SYNE1: variants seen among roughly 807,000 people sequenced by gnomAD.
SYNE1 encodes the protein spectrin repeat containing nuclear envelope protein 1.
SYNE1 carries 616 observed loss-of-function variants against 1,111.0 expected under a neutral mutation model. That is an observed-to-expected ratio of 0.55 (90% confidence interval 0.52 to 0.59). SYNE1 has a LOEUF of 0.59. Among genes scored for constraint, SYNE1 ranks in the 20% least tolerant of loss-of-function variants. The probability of loss-of-function intolerance (pLI) is 0.00; values close to 1 mark genes in which losing one functional copy is unlikely to be tolerated. For synonymous variants in SYNE1, 3,855 were observed against 3,825.8 expected (o/e 1.01, Z -0.28); for missense variants, 10,006 against 10,417.0 (o/e 0.96, Z 1.72).
At chr6:152,206,943 C>T (rs894032524) in intron 125 of SYNE1, among the ~76,000 whole-genome samples, 5 of 152,074 alleles carry the variant, frequency 3.3e-5, no homozygotes, top group African/African-American at 1.2e-4. Flanking sequence ...CTAAAAGTGA[C>T]TGGGGTTCAC....
At chr6:152,309,738 C>G in intron 90 of SYNE1, 97 bp downstream of exon 90, 2 of 1,495,964 alleles carry the variant, frequency 1.3e-6, no homozygotes, top group Non-Finnish European at 1.8e-6. Context: ...ATTCAACACC[C>G]TGGATGTGTT....
chr6:152,147,933 C>G lies in SYNE1; in HGVS notation c.24976+112G>C, dbSNP rs2059800250. The G allele has an allele frequency of 4.1e-6, 4 of 980,878 alleles. No homozygotes were observed. The East Asian group carries it at 9.8e-5, about 24-fold the overall frequency. 60.8% of individuals were successfully genotyped at this position (980,878 alleles called of 1,614,324 possible). On this transcript the variant is annotated intron_variant, in intron 137 of 145. Coordinates refer to ENST00000367255, the MANE Select transcript of SYNE1 (RefSeq NM_182961.4). ...TAAGTGTTCACTTAGGTACAATTTC[C>G]CCGCATGAAAGAAGGAAGCAAATGA...
chr6:152,162,665 C>T (rs1239430343), intron 131 of SYNE1, among the ~76,000 whole-genome samples: 6 of 152,008 alleles, frequency 3.9e-5, no homozygotes, highest in Non-Finnish European at 7.4e-5. Flanking sequence ...AATTGAAAAA[C>T]GTCTTGCTAA....
intron 3 of SYNE1, among the ~76,000 whole-genome samples, chr6:152,592,175 G>A (rs56236930): frequency 0.16 from 23,911 of 151,572 alleles, 2,084 homozygotes; most frequent in Admixed American, 0.24. Flanking sequence ...CTGGGTGTAT[G>A]CTGGGTATAT....
chr6:152,449,995 T>C (rs2098634117), intron 27 of SYNE1, among the ~76,000 whole-genome samples: 2 of 152,210 alleles, frequency 1.3e-5, no homozygotes, highest in Non-Finnish European at 2.9e-5. Flanking sequence ...CCTTTAGGGA[T>C]ATGAGATTAT....
rs149005052 is a variant in SYNE1, at chr6:152,369,592, T to A, written c.9530A>T (p.Asp3177Val). ...ALENLKIQMK[D>V]FEVSAEPIQD... ...GATAGGCTCAGCACTTACTTCAAAGTCCTTCATTTGGATCTTTAGATTCTG... is the reference window on the plus strand; with the variant it reads ...GATAGGCTCAGCACTTACTTCAAAGACCTTCATTTGGATCTTTAGATTCTG... Residue 3177 changes from aspartate (D) to valine (V), a missense_variant, in exon 60 of 146, where the codon GAC becomes GTC. By Grantham distance (152) the Asp-to-Val change is radical. This residue lies in a region of SYNE1 where 4,955 missense variants were observed against 5,017.2 expected (regional missense o/e 0.99). Transcript: ENST00000367255. The A allele has an allele frequency of 6.2e-7, 1 of 1,614,178 alleles. No individual in the cohort carries two copies. Among genetic ancestry groups the A allele is most frequent in the Non-Finnish European group, 8.5e-7 (1 of 1,180,026 alleles).
rs1017062321 is a variant in SYNE1 at position 152,188,754 on chromosome 6, C to T, written c.23301+498G>A. On this transcript the variant is annotated intron_variant, in intron 128 of 145. Transcript: ENST00000367255. ...CGGACAAATCACAAGGTCAGGAGAT[C>T]GAGACCATCCTGGCTAACACGGTGA... 5.3e-5 allele frequency among the ~76,000 whole-genome samples: 8 copies of T among 151,358 alleles called. No homozygotes were observed. The East Asian group carries it at 5.9e-4, about 11-fold the overall frequency.
At chr6:152,515,604 C>T (rs925478003) in intron 6 of SYNE1, among the ~76,000 whole-genome samples, 59 of 152,238 alleles carry the variant, frequency 3.9e-4, no homozygotes, top group African/African-American at 1.3e-3. Context: ...CCAGACAGGA[C>T]GCAGGACCAC....
chr6:152,353,204 G>GA (rs2096772828), intron 69 of SYNE1, 59 bp downstream of exon 69: 1 of 1,594,250 alleles, frequency 6.3e-7, no homozygotes, highest in Admixed American at 1.7e-5. Flanking sequence ...CTATGCAGGA[G>GA]AATGGGGCAG....
At chr6:152,469,226 A>G (rs752969261) in intron 16 of SYNE1, among the ~76,000 whole-genome samples, 4 of 152,188 alleles carry the variant, frequency 2.6e-5, no homozygotes, top group East Asian at 3.8e-4. Context: ...ATAACACTCT[A>G]AAAGGATAAG....
chr6:152,391,765 C>T (rs1427175681), intron 51 of SYNE1, among the ~76,000 whole-genome samples, 197 bp from the exon 52 acceptor site: 2 of 152,098 alleles, frequency 1.3e-5, no homozygotes, highest in Non-Finnish European at 2.9e-5. Flanking sequence ...TTGTCAGTAC[C>T]TATCAGGGGA....
chr6:152,320,710 A>T (rs768442090), intron 84 of SYNE1, among the ~76,000 whole-genome samples: 1 of 152,134 alleles, frequency 6.6e-6, no homozygotes, highest in African/African-American at 2.4e-5. Context: ...GTTTCTATTT[A>T]CTCTTTTCCT....
At chr6:152,486,066 A>G (rs1459955956) in intron 12 of SYNE1, among the ~76,000 whole-genome samples, 3 of 152,026 alleles carry the variant, frequency 2.0e-5, no homozygotes, top group Non-Finnish European at 4.4e-5. Context: ...ATAGTGGCGC[A>G]TGCCTGTAGT....
At chr6:152,363,970 G>C (rs2096999073) in intron 63 of SYNE1, among the ~76,000 whole-genome samples, 1 of 152,166 alleles carries the variant, frequency 6.6e-6, no homozygotes, top group African/African-American at 2.4e-5. Context: ...GTTAAGCTCT[G>C]TGTCCCCACC....
At chr6:152,309,010 C>T (rs1046472819) in intron 90 of SYNE1, among the ~76,000 whole-genome samples, 2 of 152,064 alleles carry the variant, frequency 1.3e-5, no homozygotes, top group African/African-American at 2.4e-5. Context: ...CTAAGTGCTA[C>T]GGTAGGGAAT....
At chr6:152,544,633 G>A (rs1341737899) in intron 3 of SYNE1, among the ~76,000 whole-genome samples, 2 of 152,022 alleles carry the variant, frequency 1.3e-5, no homozygotes, top group Non-Finnish European at 2.9e-5. Flanking sequence ...GCCATTTCAG[G>A]GCAAGATCAT....
At chr6:152,394,169 T>C (rs139282940) in intron 51 of SYNE1, among the ~76,000 whole-genome samples, 8 of 152,360 alleles carry the variant, frequency 5.3e-5, no homozygotes, top group South Asian at 4.1e-4. Context: ...ATCCTTTTTA[T>C]GGCTGCATAG....
intron 3 of SYNE1, among the ~76,000 whole-genome samples, chr6:152,542,030 A>G (rs1194828084): frequency 6.6e-6 from 1 of 152,170 alleles, no homozygotes; most frequent in Non-Finnish European, 1.5e-5. Context: ...TATCCACCCC[A>G]CCAGCATGTA....
chr6:152,470,320 CTG>C (rs1161859764), intron 16 of SYNE1, among the ~76,000 whole-genome samples: 1 of 152,138 alleles, frequency 6.6e-6, no homozygotes, highest in Non-Finnish European at 1.5e-5. Flanking sequence ...AGAACAAAGA[CTG>C]TGTCTGGTAT....
Sources: gnomAD v4.1 joint callset for allele counts (sites outside exome capture counted in the v4.1 genomes callset) on GRCh38, gnomAD v4.1.1 for gene constraint, gnomAD v4.1.1 regional missense constraint, MANE v1.5 for transcripts, NCBI Gene and HGNC (gene_info 2026-07-23, HGNC 2026-07-21) for gene names.